GRIN2A: variants seen among roughly 807,000 people sequenced by gnomAD.
GRIN2A encodes the protein glutamate receptor ionotropic, NMDA 2A.
Under a neutral mutation model 113.4 loss-of-function variants are expected in GRIN2A, and 22 were observed. The observed-to-expected ratio is 0.19, with a 90% confidence interval of 0.14 to 0.28. GRIN2A has a LOEUF of 0.28. Ranked by LOEUF, GRIN2A falls within the 10% of genes least tolerant of loss-of-function variation. The pLI, the probability that GRIN2A is intolerant of heterozygous loss-of-function variation, is 1.00. For synonymous variants in GRIN2A, 827 were observed against 738.4 expected (o/e 1.12, Z -1.94); for missense variants, 1,502 against 1,887.0 (o/e 0.80, Z 3.78).
rs552957622 is a variant in GRIN2A, at chr16:9,755,753, C to T, written c.*7396G>A. On this transcript the variant is annotated 3_prime_UTR_variant, in exon 13 of 13. Coordinates refer to ENST00000330684, the MANE Select transcript of GRIN2A (RefSeq NM_001134407.3). ...GGCCATTCTGGGTACCTATAAAGCC[C>T]GGTGGAAGCGTTCCAGTTCAACACT... 3 of 209,064 alleles carry T rather than the reference C, an allele frequency of 1.4e-5. No homozygotes were observed. Among genetic ancestry groups the T allele is most frequent in the South Asian group, 1.9e-4 (1 of 5,264 alleles). 13.0% of individuals were successfully genotyped at this position (209,064 alleles called of 1,614,324 possible).
At chr16:10,076,566 T>C (rs941143622) in intron 2 of GRIN2A, among the ~76,000 whole-genome samples, 1 of 152,140 alleles carries the variant, frequency 6.6e-6, no homozygotes, top group Non-Finnish European at 1.5e-5. Flanking sequence ...GGTTTAAATT[T>C]GAACTCAAAC....
chr16:9,902,879 C>T (rs1596562017), intron 3 of GRIN2A, among the ~76,000 whole-genome samples: 2 of 146,978 alleles, frequency 1.4e-5, no homozygotes, highest in East Asian at 4.0e-4. Context: ...TTTAACAAGG[C>T]TGATTTCAAG....
At chr16:10,002,334 T>A (rs1445372280) in intron 2 of GRIN2A, among the ~76,000 whole-genome samples, 1 of 152,176 alleles carries the variant, frequency 6.6e-6, no homozygotes, top group Admixed American at 6.5e-5. Flanking sequence ...TTATTGCCAA[T>A]AGATCTCCAA....
At chr16:9,869,386 T>C (rs939255221) in intron 4 of GRIN2A, among the ~76,000 whole-genome samples, 1 of 152,120 alleles carries the variant, frequency 6.6e-6, no homozygotes, top group Non-Finnish European at 1.5e-5. Flanking sequence ...TGAGCCTAAA[T>C]CACACCAATG....
At position 10,105,504 on chromosome 16, in the gene GRIN2A, T is replaced by G. The variant is rs566662062; in HGVS notation, c.414+74494A>C. 1.2e-4 allele frequency among the ~76,000 whole-genome samples: 18 copies of G among 146,340 alleles called. No homozygotes were observed. In the South Asian group the frequency reaches 4.0e-3, roughly 33 times the overall value. ...AAGAAAACCATGTAAAAAAAAAAAATCAATGGGGGAGGGGGTGTTTAAATG... is the reference window on the plus strand; with the variant it reads ...AAGAAAACCATGTAAAAAAAAAAAAGCAATGGGGGAGGGGGTGTTTAAATG... On this transcript the variant is annotated intron_variant, in intron 2 of 12. Coordinates refer to ENST00000330684, the MANE Select transcript of GRIN2A (RefSeq NM_001134407.3).
At chr16:9,969,538 T>C (rs1462275480) in intron 2 of GRIN2A, among the ~76,000 whole-genome samples, 2 of 152,186 alleles carry the variant, frequency 1.3e-5, no homozygotes, top group South Asian at 2.1e-4. Flanking sequence ...AACTGGATGT[T>C]CATGGTGCCC....
intron 2 of GRIN2A, among the ~76,000 whole-genome samples, chr16:10,071,985 G>A (rs2047762030): frequency 6.6e-6 from 1 of 152,242 alleles, no homozygotes; most frequent in South Asian, 2.1e-4. Flanking sequence ...AAACCAGGCA[G>A]CCTGATTCCA....
intron 2 of GRIN2A, among the ~76,000 whole-genome samples, chr16:10,070,861 C>T (rs766530958): frequency 9.8e-5 from 15 of 152,298 alleles, no homozygotes; most frequent in Non-Finnish European, 1.8e-4. Flanking sequence ...CCTTTGTCTG[C>T]TTTTCTCATG....
At chr16:9,778,200 G>C (rs1901723210) in intron 11 of GRIN2A, among the ~76,000 whole-genome samples, 1 of 152,174 alleles carries the variant, frequency 6.6e-6, no homozygotes, top group African/African-American at 2.4e-5. Flanking sequence ...AATACACATG[G>C]TCATAATTTT....
chr16:10,018,831 TG>T (rs2046659532), intron 2 of GRIN2A, among the ~76,000 whole-genome samples: 1 of 152,122 alleles, frequency 6.6e-6, no homozygotes, highest in African/African-American at 2.4e-5. Context: ...GCAGACACCT[TG>T]GAAATCCTCA....
At chr16:9,789,807 C>G (rs1288948522) in intron 11 of GRIN2A, among the ~76,000 whole-genome samples, 3 of 152,182 alleles carry the variant, frequency 2.0e-5, no homozygotes, top group Non-Finnish European at 2.9e-5. Context: ...CAGTGAAGAA[C>G]AGCAAAAGTC....
chr16:9,948,164 G>C (rs1158417608), intron 2 of GRIN2A, among the ~76,000 whole-genome samples: 1 of 152,280 alleles, frequency 6.6e-6, no homozygotes, highest in East Asian at 1.9e-4. Flanking sequence ...TTTCAGTCCT[G>C]GACAAATCAG....
chr16:9,869,528 C>T (rs1265212153), intron 4 of GRIN2A, among the ~76,000 whole-genome samples: 1 of 152,312 alleles, frequency 6.6e-6, no homozygotes, highest in African/African-American at 2.4e-5. Context: ...ATAATTATCT[C>T]TTCTGGTAAT....
intron 3 of GRIN2A, among the ~76,000 whole-genome samples, chr16:9,909,815 C>T (rs932515124): frequency 2.0e-5 from 3 of 152,134 alleles, no homozygotes; most frequent in Non-Finnish European, 4.4e-5. Context: ...TCATATATAT[C>T]GTTGCTTAAG....
chr16:10,046,504 C>T (rs2141973821), intron 2 of GRIN2A, among the ~76,000 whole-genome samples: 1 of 152,138 alleles, frequency 6.6e-6, no homozygotes, highest in East Asian at 1.9e-4. Flanking sequence ...AAACACCTTC[C>T]CATCTTTTCC....
At chr16:10,112,577 C>T (rs2048639407) in intron 2 of GRIN2A, 2 of 772,184 alleles carry the variant, frequency 2.6e-6, no homozygotes, top group Non-Finnish European at 4.8e-6. Flanking sequence ...GCGGCGAGTA[C>T]TTCTTCTCAG....
At chr16:9,868,651 G>A (rs2043203621) in intron 4 of GRIN2A, among the ~76,000 whole-genome samples, 1 of 152,038 alleles carries the variant, frequency 6.6e-6, no homozygotes. Flanking sequence ...ACTGCAGCTG[G>A]AATCAAGTGA....
chr16:9,837,299 T>C (rs1399270210), intron 7 of GRIN2A, among the ~76,000 whole-genome samples: 1 of 152,172 alleles, frequency 6.6e-6, no homozygotes, highest in African/African-American at 2.4e-5. Flanking sequence ...TTTCCTCTGG[T>C]TACAATTTAT....
At chr16:9,787,419 C>T (rs531790318) in intron 11 of GRIN2A, among the ~76,000 whole-genome samples, 5 of 152,312 alleles carry the variant, frequency 3.3e-5, no homozygotes, top group Non-Finnish European at 5.9e-5. Context: ...TACCCCACTT[C>T]GGGTTATCCC....
Sources: gnomAD v4.1 joint callset for allele counts (sites outside exome capture counted in the v4.1 genomes callset) on GRCh38, gnomAD v4.1.1 for gene constraint, MANE v1.5 for transcripts, NCBI Gene and HGNC (gene_info 2026-07-23, HGNC 2026-07-21) for gene names.